CLMN: variants seen among roughly 807,000 people sequenced by gnomAD.
CLMN encodes the protein calmin (calponin-like, transmembrane).
CLMN carries 57 observed loss-of-function variants against 92.7 expected under a neutral mutation model. That is an observed-to-expected ratio of 0.61 (90% CI 0.50 to 0.77). The LOEUF is 0.77. CLMN is among the 30% of genes least tolerant of loss of function. CLMN has a pLI of 0.00. For missense variants in CLMN, 1,158 were observed against 1,237.5 expected (o/e 0.94, Z 0.96); for synonymous variants, 466 against 470.6 (o/e 0.99, Z 0.13).
intron 1 of CLMN, among the ~76,000 whole-genome samples, chr14:95,233,110 T>C (rs1029803616): frequency 3.9e-5 from 6 of 152,380 alleles, no homozygotes; most frequent in East Asian, 3.9e-4. Context: ...TTATGGGGAC[T>C]GTAAAGTATT....
intron 1 of CLMN, among the ~76,000 whole-genome samples, chr14:95,299,468 ATGCTGCACCAGG>A (rs1420984017): frequency 6.6e-6 from 1 of 152,156 alleles, no homozygotes; most frequent in Non-Finnish European, 1.5e-5. Flanking sequence ...CTAAGTGCCT[ATGCTGCACCAGG>A]TGCAGCACCA....
chr14:95,185,753 G>C lies in CLMN; in HGVS notation c.*5811C>G, dbSNP rs750633788. The C allele has an allele frequency of 1.3e-5, 2 of 152,054 alleles. No individual in the cohort carries two copies. Among genetic ancestry groups the C allele is most frequent in the African/African-American group, 4.8e-5 (2 of 41,388 alleles). 9.4% of individuals were successfully genotyped at this position (152,054 alleles called of 1,614,324 possible). On this transcript the variant is annotated 3_prime_UTR_variant, in exon 13 of 13. Transcript: ENST00000298912. ...CGGGGAATGCAGTGGAGACCCCCAGGAAGGTGTCTCCAAGCAGAAGGGAGA... is the reference window on the plus strand; with the variant it reads ...CGGGGAATGCAGTGGAGACCCCCAGCAAGGTGTCTCCAAGCAGAAGGGAGA...
intron 1 of CLMN, among the ~76,000 whole-genome samples, chr14:95,311,500 C>T (rs954691761): frequency 6.6e-6 from 1 of 152,070 alleles, no homozygotes; most frequent in African/African-American, 2.4e-5. Context: ...GTAAATTCCC[C>T]AAATCCTAAC....
Position 95,256,093 on chromosome 14 carries a change from G to A in CLMN, c.83-25960C>T, listed in dbSNP as rs1898987536. On this transcript the variant is annotated intron_variant, in intron 1 of 12. Transcript: ENST00000298912. This position sits in a 1 kb window ranked among gnomAD's most constrained non-coding sequence, Gnocchi z 4.9. ...CTTGCCTGCAGTCATACAGCTAGAAGTGGGCAGAATGGTAATTTGAGCCCA... is the reference window on the plus strand; with the variant it reads ...CTTGCCTGCAGTCATACAGCTAGAAATGGGCAGAATGGTAATTTGAGCCCA... 6.6e-6 allele frequency among the ~76,000 whole-genome samples: 1 copy of A among 152,234 alleles called. No individual in the cohort carries two copies. The highest frequency in any genetic ancestry group is 2.4e-5 in the African/African-American group (1 of 41,456).
At chr14:95,317,600 A>G (rs907633271) in intron 1 of CLMN, among the ~76,000 whole-genome samples, 12 of 97,566 alleles carry the variant, frequency 1.2e-4, no homozygotes, top group South Asian at 3.0e-4. Context: ...CAATGCTGGG[A>G]AAAAAAAAAA....
intron 1 of CLMN, among the ~76,000 whole-genome samples, chr14:95,303,019 G>A (rs923118524): frequency 6.6e-6 from 1 of 152,218 alleles, no homozygotes; most frequent in African/African-American, 2.4e-5. Flanking sequence ...TCCAAAGAGT[G>A]TTTCCACAGT....
chr14:95,191,420 AAC>A lies in CLMN; in HGVS notation c.*142_*143del. ...AAAGGAAACCTGAAAAAAAAAAAAA[AAC>A]CACAATAGCGAGAAAGGGGGTCTAA... is the stretch of plus-strand genomic sequence containing the variant. On this transcript the variant is annotated 3_prime_UTR_variant, in exon 13 of 13. Transcript: ENST00000298912. The surrounding 1 kb of genome is among the most constrained non-coding windows in gnomAD (Gnocchi z 5.3). 1.9e-6 allele frequency: 1 copy of A among 513,350 alleles called. No homozygotes were observed. Among genetic ancestry groups the A allele is most frequent in the South Asian group, 5.6e-5 (1 of 17,726 alleles). 31.8% of individuals were successfully genotyped at this position (513,350 alleles called of 1,614,324 possible).
chr14:95,288,020 A>AT (rs1566914849), intron 1 of CLMN, among the ~76,000 whole-genome samples: 2 of 152,352 alleles, frequency 1.3e-5, no homozygotes, highest in East Asian at 3.9e-4. Context: ...TTTTATGCCC[A>AT]TTTTGCAGCA....
chr14:95,191,408 A>AT lies in CLMN; in HGVS notation c.*155_*156insA. 2.2e-6 allele frequency: 1 copy of AT among 449,342 alleles called. No homozygotes were observed. The highest frequency in any genetic ancestry group is 3.7e-6 in the Non-Finnish European group (1 of 272,406). 27.8% of individuals were successfully genotyped at this position (449,342 alleles called of 1,614,324 possible). A position where few individuals can be genotyped will look rare whatever the true frequency, so the allele number is the denominator to read the frequency against. On this transcript the variant is annotated 3_prime_UTR_variant, in exon 13 of 13. Coordinates refer to ENST00000298912, the MANE Select transcript of CLMN (RefSeq NM_024734.4). This position sits in a 1 kb window ranked among gnomAD's most constrained non-coding sequence, Gnocchi z 5.3. ...TGTCCAGAAAAAAAAGGAAACCTGA[A>AT]AAAAAAAAAAAAACCACAATAGCGA...
In CLMN at chr14:95,203,114, T is replaced by A. The variant is rs1294176301; in HGVS notation, c.2235A>T (p.Glu745Asp). Residue 745 changes from glutamate to aspartate, a missense_variant, in exon 9 of 13, where the codon GAA (glutamate) becomes GAT (aspartate). Glu to Asp is a conservative substitution (Grantham distance 45). Transcript: ENST00000298912. ...PLAAVLEAYV[E>D]DPEDLKNEEM... Reference sequence around the variant, plus strand: ...CTTCATTTTTTAGATCCTCCGGGTCTTCTACATAAGCCTCCAAAACTGCAG... The same window carrying A: ...CTTCATTTTTTAGATCCTCCGGGTCATCTACATAAGCCTCCAAAACTGCAG... 1.2e-6 allele frequency: 2 copies of A among 1,613,348 alleles called. No individual in the cohort carries two copies. The highest frequency in any genetic ancestry group is 3.3e-5 in the Admixed American group (2 of 60,006).
chr14:95,302,543 C>A (rs1901104790), intron 1 of CLMN, among the ~76,000 whole-genome samples: 1 of 152,010 alleles, frequency 6.6e-6, no homozygotes, highest in East Asian at 1.9e-4. Context: ...ATCATTTCAA[C>A]ATTTAGGTAA....
intron 1 of CLMN, among the ~76,000 whole-genome samples, chr14:95,246,956 T>A (rs953118015): frequency 1.3e-5 from 2 of 152,194 alleles, no homozygotes; most frequent in Non-Finnish European, 2.9e-5. Flanking sequence ...GAACAAAATC[T>A]AGGTCTTCTC....
chr14:95,283,188 A>G (rs954170887), intron 1 of CLMN, among the ~76,000 whole-genome samples: 1 of 152,220 alleles, frequency 6.6e-6, no homozygotes, highest in African/African-American at 2.4e-5. Context: ...ATAGTGAATA[A>G]GTCTCATGCG....
In CLMN at chr14:95,282,481, T is replaced by C. The variant is rs377445423; in HGVS notation, c.82+37230A>G. Among the ~76,000 whole-genome samples the C allele has an allele frequency of 2.6e-5, 4 of 152,196 alleles. No individual in the cohort carries two copies. The East Asian group carries it at 7.7e-4, about 29-fold the overall frequency. ...GAGCAATATCAGGAGAGAAAGGACC[T>C]GCCAATTTGTTCAGACAGACCATGA... On this transcript the variant is annotated intron_variant, in intron 1 of 12. Transcript: ENST00000298912.
At chr14:95,220,330 C>T (rs1302851963) in intron 4 of CLMN, among the ~76,000 whole-genome samples, 2 of 152,074 alleles carry the variant, frequency 1.3e-5, no homozygotes, top group African/African-American at 4.8e-5. Context: ...CTCCCCACGA[C>T]CGTGCCCAGC....
At chr14:95,224,371 C>T (rs966401612) in intron 2 of CLMN, among the ~76,000 whole-genome samples, 3 of 152,168 alleles carry the variant, frequency 2.0e-5, no homozygotes, top group African/African-American at 7.2e-5. Context: ...CAACCTCCGC[C>T]TCCCGGGTTC....
intron 1 of CLMN, among the ~76,000 whole-genome samples, chr14:95,270,599 C>T (rs1899669696): frequency 6.6e-6 from 1 of 151,680 alleles, no homozygotes; most frequent in South Asian, 2.1e-4. Context: ...TATTATAGGA[C>T]GTTTTCAAGG....
chr14:95,246,997 A>T (rs979728670), intron 1 of CLMN, among the ~76,000 whole-genome samples: 2 of 152,168 alleles, frequency 1.3e-5, no homozygotes, highest in Admixed American at 6.5e-5. Flanking sequence ...GGACTCCCAG[A>T]GTTGCTGTTC....
Position 95,202,064 on chromosome 14 carries a change from C to T in CLMN, c.2511+774G>A, listed in dbSNP as rs144176436. On this transcript the variant is annotated intron_variant, in intron 9 of 12. Transcript: ENST00000298912. ...TATGTGTGCATGTATGTCTTTATAGCAGAATGATTTATATTCCTTTGGGCA... is the reference window on the plus strand; with the variant it reads ...TATGTGTGCATGTATGTCTTTATAGTAGAATGATTTATATTCCTTTGGGCA... 3.2e-3 allele frequency among the ~76,000 whole-genome samples: 482 copies of T among 152,246 alleles called. 10 individuals carry two copies. The highest frequency in any genetic ancestry group is 3.7e-3 in the Admixed American group (56 of 15,300).
Sources: gnomAD v4.1 joint callset for allele counts (sites outside exome capture counted in the v4.1 genomes callset) on GRCh38, gnomAD v4.1.1 for gene constraint, Gnocchi (gnomAD v3.1) non-coding constraint, MANE v1.5 for transcripts, NCBI Gene and HGNC (gene_info 2026-07-23, HGNC 2026-07-21) for gene names.